Variants in ANO3 observed in about 807,000 individuals in gnomAD.
ANO3 encodes the protein anoctamin 3.
A neutral mutation model predicts 144.8 loss-of-function variants in ANO3; 99 were observed. The observed-to-expected ratio is 0.68, with a 90% CI of 0.58 to 0.81. The LOEUF (loss-of-function observed/expected upper bound fraction) is 0.81, where lower values mean the gene tolerates loss of function less well. ANO3 is among the 30% of genes least tolerant of loss of function. ANO3 has a pLI of 0.00. For synonymous variants in ANO3, 414 were observed against 392.6 expected (o/e 1.05, Z -0.64); for missense variants, 905 against 1,202.2 (o/e 0.75, Z 3.66).
At chr11:26,598,491 C>T (rs777886240) in intron 15 of ANO3, 44 bp downstream of exon 15, 10 of 1,364,728 alleles carry the variant, frequency 7.3e-6, no homozygotes, top group Admixed American at 6.6e-5. Flanking sequence ...TGGGCTATTA[C>T]AGGATATGGA....
At chr11:26,447,105 G>C (rs796760815) in intron 3 of ANO3, among the ~76,000 whole-genome samples, 4 of 150,848 alleles carry the variant, frequency 2.7e-5, no homozygotes, top group Non-Finnish European at 5.9e-5. Flanking sequence ...TACGCAGGAG[G>C]CTGAGATGGG....
intron 1 of ANO3, among the ~76,000 whole-genome samples, chr11:26,410,483 G>A (rs551141463): frequency 2.0e-4 from 30 of 152,016 alleles, no homozygotes; most frequent in Non-Finnish European, 2.1e-4. Flanking sequence ...TTGAACACAA[G>A]TTGATTCTAA....
At chr11:26,189,679 C>T (rs958873132) in intron 1 of ANO3, among the ~76,000 whole-genome samples, 2 of 152,062 alleles carry the variant, frequency 1.3e-5, no homozygotes, top group African/African-American at 4.8e-5. Context: ...CCATAAACTG[C>T]AAAGAAAACA....
At chr11:26,570,747 A>G (rs904465419) in intron 14 of ANO3, among the ~76,000 whole-genome samples, 3 of 152,144 alleles carry the variant, frequency 2.0e-5, no homozygotes, top group South Asian at 2.1e-4. Context: ...TCTGTCTGCT[A>G]TGTAGCTAAC....
At chr11:26,344,386 G>C (rs1372266959) in intron 1 of ANO3, among the ~76,000 whole-genome samples, 1 of 118,614 alleles carries the variant, frequency 8.4e-6, no homozygotes, top group Non-Finnish European at 1.7e-5. Flanking sequence ...TTTTTTTTGA[G>C]ATGGAGTCTC....
chr11:26,463,270 A>ATATT, intron 4 of ANO3, 122 bp downstream of exon 4: 1 of 491,894 alleles, frequency 2.0e-6, no homozygotes, highest in Non-Finnish European at 3.6e-6. Context: ...GTTAATATGT[A>ATATT]CTATTAAGAA....
At chr11:26,520,629 TG>T (rs1195059532) in intron 6 of ANO3, among the ~76,000 whole-genome samples, 1 of 152,140 alleles carries the variant, frequency 6.6e-6, no homozygotes, top group Admixed American at 6.5e-5. Context: ...TGACCAAATT[TG>T]TTTCTGAACT....
At chr11:26,465,234 C>A (rs1414040386) in intron 4 of ANO3, among the ~76,000 whole-genome samples, 1 of 148,564 alleles carries the variant, frequency 6.7e-6, no homozygotes, top group Non-Finnish European at 1.5e-5. Flanking sequence ...CATTTGTGTC[C>A]TACAAATAGA....
At chr11:26,320,643 A>G (rs16915466) in intron 1 of ANO3, among the ~76,000 whole-genome samples, 8,889 of 152,246 alleles carry the variant, frequency 0.058, 476 homozygotes, top group African/African-American at 0.14. Context: ...TGTATGGTTT[A>G]GTGCATAAAA....
chr11:26,200,389 G>A (rs1194509062), intron 1 of ANO3, among the ~76,000 whole-genome samples: 1 of 152,008 alleles, frequency 6.6e-6, no homozygotes, highest in Non-Finnish European at 1.5e-5. Flanking sequence ...GGCTTTCTTT[G>A]GCACAGGTGT....
intron 4 of ANO3, among the ~76,000 whole-genome samples, chr11:26,477,064 C>T (rs909121896): frequency 6.6e-6 from 1 of 152,018 alleles, no homozygotes; most frequent in Non-Finnish European, 1.5e-5. Flanking sequence ...TTGAGTAAAA[C>T]TGGCTTTACT....
chr11:26,623,145 G>A (rs1852470094), intron 17 of ANO3, among the ~76,000 whole-genome samples: 1 of 152,188 alleles, frequency 6.6e-6, no homozygotes, highest in Admixed American at 6.5e-5. Context: ...GGAAGAGAAT[G>A]AGAGTACTGT....
intron 1 of ANO3, among the ~76,000 whole-genome samples, chr11:26,255,340 G>A (rs1853032007): frequency 6.6e-6 from 1 of 152,124 alleles, no homozygotes; most frequent in Non-Finnish European, 1.5e-5. Flanking sequence ...GAATCCAAGT[G>A]TCACCATTTC....
At chr11:26,531,397 A>G in intron 8 of ANO3, 61 bp downstream of exon 8, 2 of 1,522,490 alleles carry the variant, frequency 1.3e-6, no homozygotes, top group South Asian at 2.6e-5. Flanking sequence ...TTGTTTATAG[A>G]ATAAAAACAC....
rs34866679 is a variant in ANO3 at position 26,544,281 on chromosome 11, TAC to T, written c.1154+2229_1154+2230del. Among the ~76,000 whole-genome samples, 52 of 86,978 alleles carry T rather than the reference TAC, an allele frequency of 6.0e-4. 1 individual carries two copies. Among genetic ancestry groups the T allele is most frequent in the African/African-American group, 2.0e-3 (50 of 25,324 alleles). The allele number at this position is 86,978 out of a possible 152,430, so 57.1% of individuals were successfully genotyped here. A position where few individuals can be genotyped will look rare whatever the true frequency, so the allele number is the denominator to read the frequency against. ...ATATATATATATATATATACACACA[TAC>T]ACACACACACACACATATGTATATA... is the stretch of plus-strand genomic sequence containing the variant. On this transcript the variant is annotated intron_variant, in intron 11 of 26. Coordinates refer to ENST00000256737, the MANE Select transcript of ANO3 (RefSeq NM_031418.4).
At chr11:26,451,243 G>A (rs1318008122) in intron 3 of ANO3, among the ~76,000 whole-genome samples, 1 of 152,166 alleles carries the variant, frequency 6.6e-6, no homozygotes, top group East Asian at 1.9e-4. Context: ...GCAGGTCAGT[G>A]GGTGCAGTGC....
At chr11:26,408,285 AC>A (rs1386478088) in intron 1 of ANO3, among the ~76,000 whole-genome samples, 2 of 151,642 alleles carry the variant, frequency 1.3e-5, no homozygotes, top group Non-Finnish European at 2.9e-5. Flanking sequence ...CAAGAAAAAA[AC>A]AAACAACCCC....
At chr11:26,251,244 G>GAA (rs1852921001) in intron 1 of ANO3, among the ~76,000 whole-genome samples, 1 of 151,968 alleles carries the variant, frequency 6.6e-6, no homozygotes, top group South Asian at 2.1e-4. Context: ...GTATATTCAA[G>GAA]AAAATGAAAG....
chr11:26,537,698 A>G (rs576371177), intron 10 of ANO3, among the ~76,000 whole-genome samples: 8 of 152,316 alleles, frequency 5.3e-5, no homozygotes, highest in African/African-American at 1.2e-4. Flanking sequence ...ACACTCCTGG[A>G]CACTGTAGCT....
Sources: allele counts gnomAD v4.1 joint callset (sites outside exome capture counted in the v4.1 genomes callset), GRCh38; gene constraint gnomAD v4.1.1; transcripts MANE v1.5; gene names NCBI Gene and HGNC (gene_info 2026-07-23, HGNC 2026-07-21).